SLC25A21: variants seen among roughly 807,000 people sequenced by gnomAD.
SLC25A21 encodes the protein solute carrier family 25 member 21.
SLC25A21 carries 47 observed loss-of-function variants against 43.8 expected under a neutral mutation model. That is an observed-to-expected ratio of 1.07 (90% CI 0.85 to 1.37). The LOEUF is 1.37. SLC25A21 is among the 40% of genes most tolerant of loss of function. The pLI is 0.00. For missense variants in SLC25A21, 352 were observed against 350.2 expected (o/e 1.00, Z -0.04); for synonymous variants, 131 against 121.3 (o/e 1.08, Z -0.52).
chr14:37,016,884 T>A (rs539121346), intron 1 of SLC25A21, among the ~76,000 whole-genome samples: 2 of 152,184 alleles, frequency 1.3e-5, no homozygotes, highest in African/African-American at 4.8e-5. Context: ...GGCTTCAAAC[T>A]TTTCTTCTGC....
intron 1 of SLC25A21, among the ~76,000 whole-genome samples, chr14:37,106,608 A>G (rs1962918390): frequency 1.3e-5 from 2 of 152,180 alleles, no homozygotes; most frequent in Admixed American, 6.5e-5. Flanking sequence ...GACCCTTATC[A>G]GTAGCTCTGC....
chr14:37,075,133 C>T (rs1271307052), intron 1 of SLC25A21, among the ~76,000 whole-genome samples: 1 of 152,148 alleles, frequency 6.6e-6, no homozygotes, highest in South Asian at 2.1e-4. Context: ...ACTTTGAAAC[C>T]ACGTGCAATG....
chr14:36,689,510 G>A (rs1882704336), intron 7 of SLC25A21, among the ~76,000 whole-genome samples: 1 of 152,182 alleles, frequency 6.6e-6, no homozygotes, highest in African/African-American at 2.4e-5. Flanking sequence ...GTAAGGAAAG[G>A]GCAGTGCAGG....
chr14:36,925,790 T>A (rs1892115946), intron 1 of SLC25A21, among the ~76,000 whole-genome samples: 1 of 152,168 alleles, frequency 6.6e-6, no homozygotes, highest in South Asian at 2.1e-4. Context: ...GAGGTTGTAG[T>A]GGGCTGAGAT....
intron 7 of SLC25A21, among the ~76,000 whole-genome samples, chr14:36,704,656 C>CAA (rs758402770): frequency 0.028 from 2,911 of 104,268 alleles, 108 homozygotes; most frequent in East Asian, 0.16. Context: ...GACTCCGTCT[C>CAA]AAAAAAAAAA....
chr14:36,891,333 C>T (rs1891066027), intron 1 of SLC25A21, among the ~76,000 whole-genome samples: 1 of 152,070 alleles, frequency 6.6e-6, no homozygotes. Flanking sequence ...TAACATTTAT[C>T]TATTTTCCAG....
At chr14:36,960,575 T>C (rs957747504) in intron 1 of SLC25A21, among the ~76,000 whole-genome samples, 5 of 152,312 alleles carry the variant, frequency 3.3e-5, no homozygotes, top group South Asian at 2.1e-4. Context: ...TCTCTTGCCA[T>C]CCCTTTTCTT....
At chr14:37,074,741 G>T (rs1393152916) in intron 1 of SLC25A21, among the ~76,000 whole-genome samples, 1 of 152,104 alleles carries the variant, frequency 6.6e-6, no homozygotes, top group Non-Finnish European at 1.5e-5. Context: ...GCTGAGGCAG[G>T]AGAACTGCTG....
At chr14:36,959,514 C>T (rs1868534970) in intron 1 of SLC25A21, among the ~76,000 whole-genome samples, 2 of 152,096 alleles carry the variant, frequency 1.3e-5, no homozygotes, top group Admixed American at 6.6e-5. Context: ...TTTCCAGGGC[C>T]TGAGGGTTCC....
At chr14:36,741,435 C>A (rs181347672) in intron 3 of SLC25A21, among the ~76,000 whole-genome samples, 132 of 152,250 alleles carry the variant, frequency 8.7e-4, no homozygotes, top group African/African-American at 3.0e-3. Flanking sequence ...ATAAAGAAAT[C>A]TGTGAACAAG....
intron 2 of SLC25A21, among the ~76,000 whole-genome samples, chr14:36,856,313 G>C (rs533379418): frequency 6.6e-6 from 1 of 152,148 alleles, no homozygotes; most frequent in Non-Finnish European, 1.5e-5. Flanking sequence ...TCTCGAGCTT[G>C]TCTTTCTGTA....
intron 1 of SLC25A21, among the ~76,000 whole-genome samples, chr14:37,107,612 A>G (rs2138872720): frequency 6.6e-6 from 1 of 152,106 alleles, no homozygotes; most frequent in East Asian, 1.9e-4. Flanking sequence ...TGTTCCAAGC[A>G]TTTTACTCAT....
At chr14:36,696,222 A>G (rs1159626955) in intron 7 of SLC25A21, among the ~76,000 whole-genome samples, 1 of 152,116 alleles carries the variant, frequency 6.6e-6, no homozygotes, top group Non-Finnish European at 1.5e-5. Context: ...ATTGATTTGC[A>G]TATGTTGAAC....
At chr14:36,692,531 C>G (rs1882834731) in intron 7 of SLC25A21, among the ~76,000 whole-genome samples, 1 of 152,232 alleles carries the variant, frequency 6.6e-6, no homozygotes, top group Non-Finnish European at 1.5e-5. Context: ...GGCTCTGACA[C>G]CTGGCTTCGT....
intron 2 of SLC25A21, among the ~76,000 whole-genome samples, chr14:36,849,744 C>T (rs1240637313): frequency 2.0e-5 from 3 of 152,124 alleles, no homozygotes; most frequent in African/African-American, 7.2e-5. Context: ...ATCAGTTACC[C>T]ACTGCTTATT....
intron 2 of SLC25A21, among the ~76,000 whole-genome samples, chr14:36,832,817 C>T (rs1359049353): frequency 6.6e-6 from 1 of 152,182 alleles, no homozygotes; most frequent in Admixed American, 6.5e-5. Flanking sequence ...TCTTTTAGCA[C>T]TCTCTATAAT....
At chr14:36,819,402 T>C (rs1410322474) in intron 2 of SLC25A21, among the ~76,000 whole-genome samples, 3 of 152,138 alleles carry the variant, frequency 2.0e-5, no homozygotes, top group South Asian at 2.1e-4. Flanking sequence ...TTTTTCTAAA[T>C]TAGCTGAGAA....
At chr14:36,982,321 T>C (rs1165206876) in intron 1 of SLC25A21, among the ~76,000 whole-genome samples, 1 of 152,226 alleles carries the variant, frequency 6.6e-6, no homozygotes, top group Non-Finnish European at 1.5e-5. Context: ...CTAACATTCT[T>C]AATGTGAACA....
At chr14:36,930,698 T>C (rs1362261368) in intron 1 of SLC25A21, among the ~76,000 whole-genome samples, 4 of 152,074 alleles carry the variant, frequency 2.6e-5, no homozygotes, top group African/African-American at 7.2e-5. Context: ...CCTTTCTACA[T>C]AAAATCCTTC....
Sources: allele counts gnomAD v4.1 joint callset (sites outside exome capture counted in the v4.1 genomes callset), GRCh38; gene constraint gnomAD v4.1.1; transcripts MANE v1.5; gene names NCBI Gene and HGNC (gene_info 2026-07-23, HGNC 2026-07-21).